Variants in SH3RF1 observed in about 807,000 individuals in gnomAD.
SH3RF1 encodes E3 ubiquitin-protein ligase SH3RF1.
Under a neutral mutation model 74.0 loss-of-function variants are expected in SH3RF1, and 32 were observed. The ratio of observed to expected loss-of-function variants is 0.43; its 90% confidence interval spans 0.33 to 0.58. The LOEUF (loss-of-function observed/expected upper bound fraction) is 0.58, where lower values mean the gene tolerates loss of function less well. SH3RF1 is among the 20% of genes least tolerant of loss of function. The pLI, the probability that SH3RF1 is intolerant of heterozygous loss-of-function variation, is 0.05. For missense variants in SH3RF1, 954 were observed against 1,130.9 expected, an observed-to-expected ratio of 0.84 and a Z score of 2.24; for synonymous variants, 396 against 439.6, an observed-to-expected ratio of 0.90 and a Z score of 1.24.
intron 2 of SH3RF1, among the ~76,000 whole-genome samples, chr4:169,250,999 A>G (rs1731095592): frequency 6.6e-6 from 1 of 152,204 alleles, no homozygotes; most frequent in South Asian, 2.1e-4. Flanking sequence ...GAAAGTCTGT[A>G]TGGCTGGAGC....
At chr4:169,161,146 A>G (rs923898261) in intron 2 of SH3RF1, among the ~76,000 whole-genome samples, 1 of 152,228 alleles carries the variant, frequency 6.6e-6, no homozygotes, top group Admixed American at 6.5e-5. Context: ...AAAAGGAGAG[A>G]AAGCCAAAGA....
intron 11 of SH3RF1, among the ~76,000 whole-genome samples, chr4:169,103,064 G>A (rs1460946035): frequency 6.7e-6 from 1 of 149,428 alleles, no homozygotes; most frequent in African/African-American, 2.5e-5. Flanking sequence ...GGGATTACAG[G>A]TGCCCGCCAC....
intron 2 of SH3RF1, among the ~76,000 whole-genome samples, chr4:169,202,250 C>A (rs1429779262): frequency 6.6e-6 from 1 of 152,176 alleles, no homozygotes; most frequent in African/African-American, 2.4e-5. Flanking sequence ...TTGGCCCTAA[C>A]ATAAACTGTT....
chr4:169,194,582 T>C (rs1362716092), intron 2 of SH3RF1, among the ~76,000 whole-genome samples: 3 of 152,248 alleles, frequency 2.0e-5, no homozygotes, highest in Non-Finnish European at 2.9e-5. Context: ...ACTATTCCAC[T>C]ATACAAATAT....
Position 169,105,629 on chromosome 4 carries a change from C to T in SH3RF1, c.2498+1218G>A, listed in dbSNP as rs1028114494. 2.0e-5 allele frequency among the ~76,000 whole-genome samples: 3 copies of T among 152,312 alleles called. No individual in the cohort carries two copies. The South Asian group carries it at 6.2e-4, about 32-fold the overall frequency. On this transcript the variant is annotated intron_variant, in intron 11 of 11. Transcript: ENST00000284637. The stretch of plus-strand genomic sequence containing the variant: ...GAGTTCTTCGCTAGACATCGTGGCT[C>T]ACGCCTGTAATCGCAGCATTTTGGG...
chr4:169,147,923 A>AGT (rs1733919391), intron 4 of SH3RF1, among the ~76,000 whole-genome samples: 1 of 152,220 alleles, frequency 6.6e-6, no homozygotes, highest in Admixed American at 6.5e-5. Context: ...GGAAAAATTT[A>AGT]GTGTGTATAT....
intron 6 of SH3RF1, among the ~76,000 whole-genome samples, chr4:169,129,435 T>A (rs1733576944): frequency 6.6e-6 from 1 of 152,260 alleles, no homozygotes; most frequent in East Asian, 1.9e-4. Flanking sequence ...CTACCCTAAT[T>A]CTCCCTATTA....
chr4:169,174,799 CAT>C (rs1329564151), intron 2 of SH3RF1, among the ~76,000 whole-genome samples: 8 of 152,102 alleles, frequency 5.3e-5, no homozygotes, highest in Non-Finnish European at 1.0e-4. Flanking sequence ...GGGTCAGAAG[CAT>C]ACGGATTTTG....
chr4:169,149,495 T>G (rs1047617836), intron 4 of SH3RF1, among the ~76,000 whole-genome samples: 1 of 152,210 alleles, frequency 6.6e-6, no homozygotes, highest in African/African-American at 2.4e-5. Context: ...CAAAGGCAGA[T>G]CCAATGTATT....
chr4:169,251,990 T>A (rs1731112703), intron 2 of SH3RF1, among the ~76,000 whole-genome samples: 1 of 152,236 alleles, frequency 6.6e-6, no homozygotes, highest in Admixed American at 6.5e-5. Flanking sequence ...TAAGTGTATT[T>A]TTCAGTTGAA....
intron 2 of SH3RF1, among the ~76,000 whole-genome samples, chr4:169,229,989 T>C: frequency 8.1e-6 from 1 of 124,096 alleles, no homozygotes; most frequent in East Asian, 1.9e-4. Context: ...GTGGATCACT[T>C]GAGGTCAGGA....
At chr4:169,240,477 G>A (rs535366364) in intron 2 of SH3RF1, among the ~76,000 whole-genome samples, 1 of 152,188 alleles carries the variant, frequency 6.6e-6, no homozygotes, top group Non-Finnish European at 1.5e-5. Flanking sequence ...GGATTACAGA[G>A]CGTGAGCCCT....
chr4:169,225,197 G>A (rs1359763216), intron 2 of SH3RF1, among the ~76,000 whole-genome samples: 1 of 152,156 alleles, frequency 6.6e-6, no homozygotes, highest in Non-Finnish European at 1.5e-5. Context: ...CATGACCAAA[G>A]CAAAGCATCA....
At chr4:169,235,693 C>A (rs1730814069) in intron 2 of SH3RF1, among the ~76,000 whole-genome samples, 1 of 152,030 alleles carries the variant, frequency 6.6e-6, no homozygotes, top group African/African-American at 2.4e-5. Context: ...TAATTTCCTT[C>A]TTTTCTTTTT....
chr4:169,136,575 C>G lies in SH3RF1; in HGVS notation c.811G>C (p.Val271Leu). ...CATTCTCCAGCATCAACTCCTGGCACAGGAGGCTTATCCCATTCTATCAGC... is the reference window on the plus strand; with the variant it reads ...CATTCTCCAGCATCAACTCCTGGCAGAGGAGGCTTATCCCATTCTATCAGC... ...KQLIEWDKPP[V>L]PGVDAGECSS... Residue 271 changes from valine (V) to leucine (L), a missense_variant, in exon 5 of 12, where the codon GTG becomes CTG. Val to Leu is a conservative substitution (Grantham distance 32). This residue lies in a region of SH3RF1 where 854 missense variants were observed against 962.5 expected (regional missense o/e 0.89). Transcript: ENST00000284637. The G allele has an allele frequency of 6.3e-7, 1 of 1,590,608 alleles. No individual in the cohort carries two copies. The highest frequency in any genetic ancestry group is 8.6e-7 in the Non-Finnish European group (1 of 1,169,382).
At chr4:169,215,074 A>C (rs1730440793) in intron 2 of SH3RF1, among the ~76,000 whole-genome samples, 1 of 152,064 alleles carries the variant, frequency 6.6e-6, no homozygotes, top group Non-Finnish European at 1.5e-5. Flanking sequence ...TCCATTAAGT[A>C]TGTTGTTATC....
Position 169,120,996 on chromosome 4 carries a change from T to C in SH3RF1, c.1347-7A>G, listed in dbSNP as rs774667287. The C allele has an allele frequency of 4.4e-6, 7 of 1,607,246 alleles. No individual in the cohort carries two copies. Among genetic ancestry groups the C allele is most frequent in the Non-Finnish European group, 8.5e-7 (1 of 1,174,070 alleles). On this transcript the variant is annotated splice_polypyrimidine_tract_variant and splice_region_variant and intron_variant, in intron 7 of 11. Coordinates refer to ENST00000284637, the MANE Select transcript of SH3RF1 (RefSeq NM_020870.4). ...TGGATATATAGCAACATACCTAGAA[T>C]AGAAAATAATATTTGATTTCAGGTT...
intron 2 of SH3RF1, among the ~76,000 whole-genome samples, chr4:169,163,098 G>C (rs1350271081): frequency 1.0e-5 from 1 of 99,532 alleles, no homozygotes; most frequent in Non-Finnish European, 2.5e-5. Context: ...AAGGTAGAGG[G>C]AGAGAAAAAA....
chr4:169,117,174 A>G (rs185299305), intron 9 of SH3RF1, among the ~76,000 whole-genome samples: 1 of 152,248 alleles, frequency 6.6e-6, no homozygotes, highest in East Asian at 1.9e-4. Flanking sequence ...TTAATCAGAA[A>G]TGATCAGCAC....
Sources: gnomAD v4.1 joint callset for allele counts (sites outside exome capture counted in the v4.1 genomes callset) on GRCh38, gnomAD v4.1.1 for gene constraint, gnomAD v4.1.1 regional missense constraint, MANE v1.5 for transcripts, NCBI Gene and HGNC (gene_info 2026-07-23, HGNC 2026-07-21) for gene names.